The following TBL1X variants were observed in gnomAD, a reference collection of about 807,000 sequenced individuals.
TBL1X encodes the protein transducin beta like 1 X-linked.
In TBL1X, 10 loss-of-function variants were observed where a neutral mutation model predicts 50.7. The observed-to-expected ratio is 0.20, with a 90% CI of 0.12 to 0.33. The LOEUF is 0.33. Ranked by LOEUF, TBL1X falls within the 10% of genes least tolerant of loss-of-function variation. The pLI, the probability that TBL1X is intolerant of heterozygous loss-of-function variation, is 1.00. For missense variants in TBL1X, 340 were observed against 504.4 expected (o/e 0.67, Z 3.12); for synonymous variants, 190 against 214.7 (o/e 0.88, Z 1.01).
intron 16 of TBL1X, 121 bp downstream of exon 16, chrX:9,711,897 G>T: frequency 2.5e-6 from 2 of 811,505 alleles, no homozygotes; most frequent in Non-Finnish European, 3.3e-6. Context: ...GGCTCCCCGG[G>T]CAGACCCAGT....
intron 2 of TBL1X, among the ~76,000 whole-genome samples, chrX:9,529,309 T>C (rs1387425893): frequency 9.0e-6 from 1 of 111,203 alleles, no homozygotes; most frequent in Non-Finnish European, 1.9e-5. Context: ...AGATGTTTAC[T>C]CTCTTGCCGG....
rs370615085 is a variant in TBL1X, at chrX:9,711,646, T to C, written c.1475T>C (p.Ile492Thr). ...SFDSTVRLWD[I>T]ERGVCTHTLT... is the part of the protein sequence containing the mutation. ...GATTCTACGGTGCGACTGTGGGACATAGAACGAGGCGTCTGCACCCACACG... is the reference window on the plus strand; with the variant it reads ...GATTCTACGGTGCGACTGTGGGACACAGAACGAGGCGTCTGCACCCACACG... The change falls in exon 16 of 18, where the codon ATA becomes ACA. Residue 492 changes from isoleucine to threonine, a missense_variant. Physicochemically the swap from Ile to Thr is moderately conservative, Grantham distance 89. This residue lies in a region of TBL1X where 170 missense variants were observed against 272.6 expected (regional missense o/e 0.62). Coordinates refer to ENST00000645353, the MANE Select transcript of TBL1X (RefSeq NM_005647.4). The C allele has an allele frequency of 1.3e-5, 16 of 1,205,114 alleles. No homozygotes were observed. Among genetic ancestry groups the C allele is most frequent in the African/African-American group, 1.8e-5 (1 of 57,125 alleles).
rs2082606856 is a variant in TBL1X at position 9,610,249 on chromosome X, C to G, written c.-130-30024C>G. ...GGGGTGTTACAAGAGCATGCGGAGG[C>G]TGCTCCTCTCCTGTTTCCTGGTGTG... On this transcript the variant is annotated intron_variant, in intron 2 of 17. Transcript: ENST00000645353. Among the ~76,000 whole-genome samples the G allele has an allele frequency of 4.4e-5, 5 of 112,641 alleles. No homozygotes were observed. In the South Asian group the frequency reaches 1.8e-3, roughly 41 times the overall value.
intron 2 of TBL1X, among the ~76,000 whole-genome samples, chrX:9,565,266 C>T (rs113449162): frequency 0.042 from 778 of 18,712 alleles, 12 homozygotes; most frequent in African/African-American, 0.11. Flanking sequence ...AGCGAGACTC[C>T]GTCTCAAAAA....
At chrX:9,617,506 A>C (rs2082645074) in intron 2 of TBL1X, among the ~76,000 whole-genome samples, 1 of 112,430 alleles carries the variant, frequency 8.9e-6, no homozygotes, top group Admixed American at 9.4e-5. Flanking sequence ...CCTGTTAATT[A>C]ATATAACCAA....
rs773460230 is a variant in TBL1X, at chrX:9,469,958, G to A, written c.-201+4511G>A. ...ATGCCTTTGTGTGCTTTGGCCAACCGCTTTTCTTAGAACAGCACATTTTGC... is the reference window on the plus strand; with the variant it reads ...ATGCCTTTGTGTGCTTTGGCCAACCACTTTTCTTAGAACAGCACATTTTGC... On this transcript the variant is annotated intron_variant, in intron 1 of 17. Coordinates refer to ENST00000645353, the MANE Select transcript of TBL1X (RefSeq NM_005647.4). 3.6e-5 allele frequency among the ~76,000 whole-genome samples: 4 copies of A among 112,573 alleles called. No individual in the cohort carries two copies. The South Asian group carries it at 1.1e-3, about 31-fold the overall frequency.
chrX:9,706,118 G>A lies in TBL1X; in HGVS notation c.1236+1004G>A, dbSNP rs1413547264. On this transcript the variant is annotated intron_variant, in intron 13 of 17. Coordinates refer to ENST00000645353, the MANE Select transcript of TBL1X (RefSeq NM_005647.4). ...CCATGATCCGGACACCTCCCACGAGGCCCCACCTCTGCATCAGGGATGACA... is the reference window on the plus strand; with the variant it reads ...CCATGATCCGGACACCTCCCACGAGACCCCACCTCTGCATCAGGGATGACA... 4.5e-5 allele frequency among the ~76,000 whole-genome samples: 5 copies of A among 111,799 alleles called. No homozygotes were observed. The Admixed American group carries it at 4.7e-4, about 11-fold the overall frequency.
chrX:9,473,937 A>G (rs1043743924), intron 1 of TBL1X, among the ~76,000 whole-genome samples: 2 of 112,526 alleles, frequency 1.8e-5, no homozygotes, highest in African/African-American at 6.5e-5. Flanking sequence ...TTGATATTAC[A>G]TGTCACGGGA....
At chrX:9,517,926 C>G (rs1371582134) in intron 2 of TBL1X, among the ~76,000 whole-genome samples, 1 of 110,794 alleles carries the variant, frequency 9.0e-6, no homozygotes, top group African/African-American at 3.3e-5. Flanking sequence ...GGCAACATAG[C>G]AAGACCTTGT....
intron 3 of TBL1X, among the ~76,000 whole-genome samples, chrX:9,649,845 G>C (rs769399634): frequency 2.2e-4 from 25 of 112,021 alleles, no homozygotes; most frequent in Non-Finnish European, 4.1e-4. Flanking sequence ...CTGGAGTGCA[G>C]TGGCATAATC....
At chrX:9,649,219 A>G (rs996278456) in intron 3 of TBL1X, among the ~76,000 whole-genome samples, 1 of 112,241 alleles carries the variant, frequency 8.9e-6, no homozygotes, top group Non-Finnish European at 1.9e-5. Context: ...AGATTCTACA[A>G]TTTTTGGAAT....
chrX:9,531,626 G>A (rs2082162343), intron 2 of TBL1X, among the ~76,000 whole-genome samples: 1 of 110,604 alleles, frequency 9.0e-6, no homozygotes, highest in Non-Finnish European at 1.9e-5. Context: ...AGATCTGTGC[G>A]GGGCGCTGTG....
chrX:9,654,164 A>T, intron 4 of TBL1X, 51 bp from the exon 5 acceptor site: 1 of 1,114,102 alleles, frequency 9.0e-7, no homozygotes, highest in South Asian at 2.1e-5. Context: ...CAAAAAAAAA[A>T]AAGAGAAAAA....
intron 2 of TBL1X, among the ~76,000 whole-genome samples, chrX:9,506,437 A>T (rs2082026086): frequency 8.9e-6 from 1 of 111,793 alleles, no homozygotes; most frequent in East Asian, 2.8e-4. Context: ...GAAGGTAAGA[A>T]ATAACTAATA....
At chrX:9,523,960 C>CTTTT (rs63038662) in intron 2 of TBL1X, among the ~76,000 whole-genome samples, 4 of 40,790 alleles carry the variant, frequency 9.8e-5, no homozygotes, top group African/African-American at 2.9e-4. Flanking sequence ...TCATTTTAAC[C>CTTTT]TTTTTTTTTT....
intron 2 of TBL1X, among the ~76,000 whole-genome samples, chrX:9,630,121 T>C (rs1483251080): frequency 9.0e-6 from 1 of 111,399 alleles, no homozygotes; most frequent in Non-Finnish European, 1.9e-5. Context: ...TGATGCTCTG[T>C]CTCCTGGAGG....
At chrX:9,588,345 G>A (rs1335754580) in intron 2 of TBL1X, among the ~76,000 whole-genome samples, 2 of 111,659 alleles carry the variant, frequency 1.8e-5, no homozygotes, top group Non-Finnish European at 3.8e-5. Flanking sequence ...TGATCTATGT[G>A]TTCATCTGTC....
intron 12 of TBL1X, among the ~76,000 whole-genome samples, chrX:9,699,047 C>A (rs2083152585): frequency 8.9e-6 from 1 of 111,788 alleles, no homozygotes; most frequent in Non-Finnish European, 1.9e-5. Context: ...GTGGTGCGAT[C>A]TCAGCTCATT....
At chrX:9,587,932 T>C (rs1277255979) in intron 2 of TBL1X, among the ~76,000 whole-genome samples, 1 of 110,308 alleles carries the variant, frequency 9.1e-6, no homozygotes, top group African/African-American at 3.3e-5. Flanking sequence ...ACTCTGCGTG[T>C]GTTCCTGGTT....
Sources: allele counts gnomAD v4.1 joint callset (sites outside exome capture counted in the v4.1 genomes callset), GRCh38; gene constraint gnomAD v4.1.1; regional missense constraint gnomAD v4.1.1; transcripts MANE v1.5; gene names NCBI Gene and HGNC (gene_info 2026-07-23, HGNC 2026-07-21).